MREG: variants seen among roughly 807,000 people sequenced by gnomAD.
MREG encodes melanoregulin.
Under a neutral mutation model 28.5 loss-of-function variants are expected in MREG, and 31 were observed. That is an observed-to-expected ratio of 1.09 (90% CI 0.82 to 1.47). MREG has a LOEUF of 1.47. MREG is among the 40% of genes most tolerant of loss of function. The pLI, the probability that MREG is intolerant of heterozygous loss-of-function variation, is 0.00. For synonymous variants in MREG, 106 were observed against 95.2 expected (o/e 1.11, Z -0.66); for missense variants, 256 against 257.4 (o/e 0.99, Z 0.04).
chr2:216,028,196 G>C (rs1258037666), intron 1 of MREG, among the ~76,000 whole-genome samples: 1 of 152,156 alleles, frequency 6.6e-6, no homozygotes, highest in Non-Finnish European at 1.5e-5. Context: ...ACCATTGAAA[G>C]AGATGTCTTT....
intron 1 of MREG, among the ~76,000 whole-genome samples, chr2:216,006,466 C>G (rs1184883802): frequency 2.0e-5 from 3 of 152,194 alleles, no homozygotes; most frequent in African/African-American, 7.2e-5. Flanking sequence ...CAGTAAAAAC[C>G]CTTTGTGCCC....
chr2:216,007,022 C>T (rs1439093550), intron 1 of MREG, among the ~76,000 whole-genome samples: 2 of 152,188 alleles, frequency 1.3e-5, no homozygotes, highest in Admixed American at 6.5e-5. Flanking sequence ...ACCAGAAGGG[C>T]TCTGCTCTTT....
intron 2 of MREG, among the ~76,000 whole-genome samples, chr2:215,967,445 A>C (rs1692972772): frequency 6.6e-6 from 1 of 152,236 alleles, no homozygotes; most frequent in African/African-American, 2.4e-5. Flanking sequence ...CCATTTTTCA[A>C]AAGAAAGAAA....
chr2:216,021,571 C>G (rs904953841), intron 1 of MREG, among the ~76,000 whole-genome samples: 4 of 152,040 alleles, frequency 2.6e-5, no homozygotes, highest in Non-Finnish European at 5.9e-5. Flanking sequence ...TTCCATAGGC[C>G]CCTCACTCCC....
In MREG at chr2:216,013,140, T is replaced by C. The variant is rs183896363; in HGVS notation, c.95+93A>G. 6.9e-4 allele frequency: 775 copies of C among 1,127,576 alleles called. 4 individuals are homozygous for C. Among genetic ancestry groups the C allele is most frequent in the Admixed American group, 1.3e-3 (56 of 44,540 alleles). The allele number at this position is 1,127,576 out of a possible 1,614,324, so 69.8% of individuals were successfully genotyped here. ...CGCGTGCCCTTCCAGCAAGCCCACC[T>C]CCCCAACTCACACAAGCACACAGGT... On this transcript the variant is annotated intron_variant, in intron 1 of 4. Transcript: ENST00000263268.
chr2:215,951,236 G>A (rs1263421690), intron 2 of MREG, among the ~76,000 whole-genome samples: 1 of 152,156 alleles, frequency 6.6e-6, no homozygotes, highest in African/African-American at 2.4e-5. Context: ...TGCAGCAAAT[G>A]AAAAATAGTG....
chr2:216,004,179 C>G (rs951049995), intron 1 of MREG, among the ~76,000 whole-genome samples: 41 of 152,102 alleles, frequency 2.7e-4, no homozygotes, highest in African/African-American at 9.6e-4. Context: ...CACGTCCTCA[C>G]TCCTCCCTCT....
At chr2:216,006,427 G>A (rs1343351147) in intron 1 of MREG, among the ~76,000 whole-genome samples, 13 of 152,214 alleles carry the variant, frequency 8.5e-5, no homozygotes, top group Admixed American at 8.5e-4. Flanking sequence ...GCCTTGCAAT[G>A]GGAATCTTCC....
intron 2 of MREG, among the ~76,000 whole-genome samples, chr2:215,975,983 G>A (rs1363123342): frequency 6.6e-6 from 1 of 152,118 alleles, no homozygotes; most frequent in Non-Finnish European, 1.5e-5. Flanking sequence ...CTACTCGCGG[G>A]GGGCGTGGTA....
intron 2 of MREG, among the ~76,000 whole-genome samples, chr2:215,987,633 C>T (rs62183221): frequency 0.17 from 26,058 of 152,064 alleles, 2,490 homozygotes; most frequent in East Asian, 0.4. Context: ...GTAATTCCAG[C>T]ACTTTAGGAG....
At chr2:215,977,270 A>G (rs1165664213) in intron 2 of MREG, among the ~76,000 whole-genome samples, 2 of 152,230 alleles carry the variant, frequency 1.3e-5, no homozygotes, top group East Asian at 3.8e-4. Context: ...ACAAAGATCA[A>G]AAGAGACAAA....
intron 2 of MREG, among the ~76,000 whole-genome samples, chr2:215,967,803 T>C (rs1692985255): frequency 6.6e-6 from 1 of 152,134 alleles, no homozygotes; most frequent in African/African-American, 2.4e-5. Context: ...TATTTATAAA[T>C]AGGCAGCAAA....
chr2:215,988,004 T>C (rs937677788), intron 2 of MREG, among the ~76,000 whole-genome samples: 1 of 152,210 alleles, frequency 6.6e-6, no homozygotes, highest in Admixed American at 6.5e-5. Flanking sequence ...TCATCACGTC[T>C]TCATGTTATT....
At position 216,013,390 on chromosome 2, in the gene MREG, A is replaced by C; in HGVS notation, c.-63T>G. 2 of 1,232,366 alleles carry C rather than the reference A, an allele frequency of 1.6e-6. No individual in the cohort carries two copies. Among genetic ancestry groups the C allele is most frequent in the Non-Finnish European group, 1.1e-6 (1 of 950,722 alleles). The allele number at this position is 1,232,366 out of a possible 1,614,324, so 76.3% of individuals were successfully genotyped here. A position where few individuals can be genotyped will look rare whatever the true frequency, so the allele number is the denominator to read the frequency against. ...GCCGAGTCGCCGCGGCGAGCGATCG[A>C]GGCTGGGGCGCGGCCACCGCGCCAG... On this transcript the variant is annotated 5_prime_UTR_variant, in exon 1 of 5. Coordinates refer to ENST00000263268, the MANE Select transcript of MREG (RefSeq NM_018000.3).
chr2:216,002,376 C>T (rs919218465), intron 1 of MREG, among the ~76,000 whole-genome samples: 2 of 152,214 alleles, frequency 1.3e-5, no homozygotes, highest in African/African-American at 4.8e-5. Context: ...GGATTCCTCA[C>T]TACTAACAAG....
intron 2 of MREG, among the ~76,000 whole-genome samples, chr2:215,958,440 AC>A (rs1692691614): frequency 2.0e-5 from 3 of 152,218 alleles, no homozygotes; most frequent in African/African-American, 7.2e-5. Flanking sequence ...CAAATGTATG[AC>A]TGTATTTGCC....
chr2:215,983,193 C>A (rs1384880086), intron 2 of MREG, among the ~76,000 whole-genome samples: 1 of 152,160 alleles, frequency 6.6e-6, no homozygotes, highest in East Asian at 1.9e-4. Context: ...ACTTGCAGTC[C>A]TATCTCCAAA....
At chr2:215,992,985 C>T (rs182927754) in intron 2 of MREG, among the ~76,000 whole-genome samples, 9 of 152,300 alleles carry the variant, frequency 5.9e-5, no homozygotes, top group East Asian at 1.9e-4. Context: ...AATGGCCATA[C>T]TGCCCAAAGT....
In MREG at chr2:215,989,920, T is replaced by C. The variant is rs112633442; in HGVS notation, c.255+6386A>G. Among the ~76,000 whole-genome samples, 298 of 152,186 alleles carry C rather than the reference T, an allele frequency of 2.0e-3. 1 individual carries two copies. The highest frequency in any genetic ancestry group is 6.9e-3 in the African/African-American group (285 of 41,526). Reference sequence around the variant, plus strand: ...GTGAAAATACCAAATCTATGTTTGATTGGTATACCTGAAAGTGATGGGGAG... The same window carrying C: ...GTGAAAATACCAAATCTATGTTTGACTGGTATACCTGAAAGTGATGGGGAG... On this transcript the variant is annotated intron_variant, in intron 2 of 4. Coordinates refer to ENST00000263268, the MANE Select transcript of MREG (RefSeq NM_018000.3).
Sources: allele counts gnomAD v4.1 joint callset (sites outside exome capture counted in the v4.1 genomes callset), GRCh38; gene constraint gnomAD v4.1.1; transcripts MANE v1.5; gene names NCBI Gene and HGNC (gene_info 2026-07-23, HGNC 2026-07-21).